Variants in CPQ observed in about 807,000 individuals in gnomAD.
CPQ encodes Ser-Met dipeptidase.
In CPQ, 37 loss-of-function variants were observed where a neutral mutation model predicts 45.7. The observed-to-expected ratio is 0.81, with a 90% confidence interval of 0.62 to 1.07. CPQ has a LOEUF of 1.07. Among genes scored for constraint, CPQ ranks in the 50% least tolerant of loss-of-function variants. The pLI is 0.00. For missense variants in CPQ, 537 were observed against 572.9 expected (o/e 0.94, Z 0.64); for synonymous variants, 186 against 205.8 (o/e 0.90, Z 0.82).
At chr8:97,106,238 G>A (rs574695273) in intron 7 of CPQ, among the ~76,000 whole-genome samples, 1 of 152,346 alleles carries the variant, frequency 6.6e-6, no homozygotes, top group African/African-American at 2.4e-5. Flanking sequence ...CTACAGGTAT[G>A]CTGTCAGAAA....
chr8:96,962,196 C>T (rs1291837900), intron 4 of CPQ, among the ~76,000 whole-genome samples: 1 of 152,196 alleles, frequency 6.6e-6, no homozygotes, highest in African/African-American at 2.4e-5. Flanking sequence ...TAGTCTGCCT[C>T]GCAAATAACA....
At chr8:96,794,586 T>C (rs1691770608) in intron 2 of CPQ, among the ~76,000 whole-genome samples, 1 of 152,208 alleles carries the variant, frequency 6.6e-6, no homozygotes, top group Non-Finnish European at 1.5e-5. Flanking sequence ...TTTATGCAAA[T>C]TTCTTCAGCC....
Position 96,879,847 on chromosome 8 carries a change from A to G in CPQ, c.691A>G (p.Thr231Ala). 1 of 1,614,082 alleles carries G rather than the reference A, an allele frequency of 6.2e-7. No homozygotes were observed. Among genetic ancestry groups the G allele is most frequent in the South Asian group, 1.1e-5 (1 of 91,084 alleles). Reference protein sequence around the residue: ...EYQDGVPKIPTACITVEDAEM... With the variant: ...EYQDGVPKIPAACITVEDAEM... ...CCAGGATGGCGTGCCCAAGATTCCAACAGCCTGTATTACGGTGGAAGATGC... is the reference window on the plus strand; with the variant it reads ...CCAGGATGGCGTGCCCAAGATTCCAGCAGCCTGTATTACGGTGGAAGATGC... Residue 231 changes from threonine (T) to alanine (A), a missense_variant, in exon 4 of 8, where the codon ACA (threonine) becomes GCA (alanine). By Grantham distance (58) the Thr-to-Ala change is moderately conservative (BLOSUM62 0). Coordinates refer to ENST00000220763, the MANE Select transcript of CPQ (RefSeq NM_016134.4).
intron 1 of CPQ, among the ~76,000 whole-genome samples, chr8:96,709,392 TC>T (rs1244148877): frequency 1.2e-4 from 18 of 150,820 alleles, no homozygotes; most frequent in Non-Finnish European, 2.7e-4. Context: ...AATAATGGCC[TC>T]CAGCTCTGTC....
chr8:96,709,978 T>C (rs1809585373), intron 1 of CPQ, among the ~76,000 whole-genome samples: 1 of 152,168 alleles, frequency 6.6e-6, no homozygotes, highest in Non-Finnish European at 1.5e-5. Flanking sequence ...TCTTAGAATG[T>C]CTGATGGATT....
intron 6 of CPQ, among the ~76,000 whole-genome samples, chr8:97,057,250 A>T (rs931038175): frequency 2.6e-5 from 4 of 152,160 alleles, no homozygotes; most frequent in Non-Finnish European, 5.9e-5. Flanking sequence ...GAAAAAACAC[A>T]TTTACTGAAA....
chr8:96,721,377 A>G (rs1293605899), intron 1 of CPQ, among the ~76,000 whole-genome samples: 1 of 151,938 alleles, frequency 6.6e-6, no homozygotes, highest in Non-Finnish European at 1.5e-5. Context: ...CCCCCTTCCC[A>G]ATGCCTGAAA....
At chr8:96,887,956 G>A (rs1311470301) in intron 4 of CPQ, among the ~76,000 whole-genome samples, 1 of 152,182 alleles carries the variant, frequency 6.6e-6, no homozygotes, top group Non-Finnish European at 1.5e-5. Flanking sequence ...GGCTAGTGGG[G>A]AACATTGAAA....
chr8:97,107,127 G>A (rs1270526223), intron 7 of CPQ, among the ~76,000 whole-genome samples: 3 of 152,128 alleles, frequency 2.0e-5, no homozygotes, highest in Non-Finnish European at 4.4e-5. Context: ...AATAGGTAGT[G>A]CACTAACATT....
intron 4 of CPQ, among the ~76,000 whole-genome samples, chr8:96,958,904 G>A (rs1374260670): frequency 1.5e-5 from 2 of 129,550 alleles, no homozygotes; most frequent in Non-Finnish European, 3.2e-5. Flanking sequence ...ACACCCAACA[G>A]CTTCACTGAA....
rs552276561 is a variant in CPQ, at chr8:96,764,276, C to T, written c.-34-20588C>T. 3.7e-4 allele frequency among the ~76,000 whole-genome samples: 56 copies of T among 152,226 alleles called. No individual in the cohort carries two copies. The South Asian group carries it at 6.2e-3, about 17-fold the overall frequency. ...TGGATGATAGAAGCCAGGTATAAGA[C>T]GCAAACATGCTAAATGATTCCATTT... On this transcript the variant is annotated intron_variant, in intron 1 of 7. Transcript: ENST00000220763.
intron 4 of CPQ, among the ~76,000 whole-genome samples, chr8:96,900,205 C>T (rs1350006906): frequency 6.6e-6 from 1 of 152,158 alleles, no homozygotes; most frequent in African/African-American, 2.4e-5. Context: ...CTCTAAAGCT[C>T]ACCAAGTCCA....
chr8:96,765,797 C>A (rs577803431), intron 1 of CPQ, among the ~76,000 whole-genome samples: 1 of 152,158 alleles, frequency 6.6e-6, no homozygotes. Context: ...TCTGGCCCCC[C>A]CATTCATCAA....
chr8:96,740,018 TG>T (rs904006132), intron 1 of CPQ, among the ~76,000 whole-genome samples: 2 of 152,158 alleles, frequency 1.3e-5, no homozygotes, highest in African/African-American at 4.8e-5. Context: ...GGTAGCTTCA[TG>T]GGGATGGCAT....
At position 97,029,434 on chromosome 8, in the gene CPQ, G is replaced by T. The variant is rs1294094134; in HGVS notation, c.993G>T (p.Val331=). The change falls in exon 6 of 8, where the codon GTG becomes GTT. Residue 331 remains valine, a synonymous_variant. Transcript: ENST00000220763. ...GLRPKRTLRL[V]LWTAEEQGGV... is the part of the protein sequence containing the mutation. The stretch of plus-strand genomic sequence containing the variant: ...GTCCAAAGAGGACTCTGCGGCTGGT[G>T]CTCTGGACTGCAGAAGAACAAGGTG... 3 of 1,608,534 alleles carry T rather than the reference G, an allele frequency of 1.9e-6. No homozygotes were observed. In the Admixed American group the frequency reaches 5.0e-5, roughly 27 times the overall value.
chr8:97,041,106 C>G (rs969304104), intron 6 of CPQ, among the ~76,000 whole-genome samples: 2 of 152,192 alleles, frequency 1.3e-5, no homozygotes, highest in African/African-American at 4.8e-5. Context: ...TTGATTCTTC[C>G]TACCCATGAG....
chr8:96,714,715 G>C (rs1285597040), intron 1 of CPQ, among the ~76,000 whole-genome samples: 1 of 152,046 alleles, frequency 6.6e-6, no homozygotes, highest in East Asian at 1.9e-4. Context: ...ATAGAACCCT[G>C]TTTCGTATTT....
intron 4 of CPQ, among the ~76,000 whole-genome samples, chr8:96,942,154 A>G (rs1813130866): frequency 6.6e-6 from 1 of 152,208 alleles, no homozygotes; most frequent in Non-Finnish European, 1.5e-5. Flanking sequence ...CAGAACCTGA[A>G]ATAGCATTGC....
At chr8:96,802,732 G>A (rs1236609521) in intron 2 of CPQ, among the ~76,000 whole-genome samples, 2 of 151,994 alleles carry the variant, frequency 1.3e-5, no homozygotes, top group African/African-American at 2.4e-5. Flanking sequence ...TGACTAAGTG[G>A]GTAATAAATA....
Sources: allele counts gnomAD v4.1 joint callset (sites outside exome capture counted in the v4.1 genomes callset), GRCh38; gene constraint gnomAD v4.1.1; transcripts MANE v1.5; gene names NCBI Gene and HGNC (gene_info 2026-07-23, HGNC 2026-07-21).